TASP1: variants seen among roughly 807,000 people sequenced by gnomAD.
TASP1 encodes the protein threonine aspartase 1.
A neutral mutation model predicts 56.6 loss-of-function variants in TASP1; 16 were observed. That is an observed-to-expected ratio of 0.28 (90% CI 0.19 to 0.43). TASP1 has a LOEUF of 0.43. Among genes scored for constraint, TASP1 ranks in the 20% least tolerant of loss-of-function variants. The pLI, the probability that TASP1 is intolerant of heterozygous loss-of-function variation, is 1.00. For missense variants in TASP1, 393 were observed against 511.6 expected, an observed-to-expected ratio of 0.77 and a Z score of 2.24; for synonymous variants, 179 against 184.2, an observed-to-expected ratio of 0.97 and a Z score of 0.23.
At chr20:13,481,095 C>T (rs1243565558) in intron 11 of TASP1, among the ~76,000 whole-genome samples, 1 of 152,006 alleles carries the variant, frequency 6.6e-6, no homozygotes, top group Non-Finnish European at 1.5e-5. Context: ...CCCCACCTCC[C>T]GCCAAGTCCT....
intron 11 of TASP1, among the ~76,000 whole-genome samples, chr20:13,467,414 T>C (rs1234695720): frequency 1.3e-4 from 19 of 146,148 alleles, no homozygotes; most frequent in African/African-American, 5.0e-4. Flanking sequence ...TAAAATGTCT[T>C]CCTAAAAAAA....
chr20:13,204,601 G>A, the TASP1 span, among the ~76,000 whole-genome samples: 2 of 151,572 alleles, frequency 1.3e-5, no homozygotes, highest in Admixed American at 6.6e-5. Flanking sequence ...GTGCAGTGGC[G>A]CGATCTGGGC....
chr20:13,377,259 T>A, the TASP1 span, among the ~76,000 whole-genome samples: 29 of 152,180 alleles, frequency 1.9e-4, no homozygotes, highest in Non-Finnish European at 4.0e-4. Flanking sequence ...CGATACCTAG[T>A]TTATTGAGGG....
At chr20:13,403,066 A>G (rs73901155) in intron 13 of TASP1, among the ~76,000 whole-genome samples, 4,345 of 152,292 alleles carry the variant, frequency 0.029, 198 homozygotes, top group African/African-American at 0.096. Context: ...GATAGTTTTT[A>G]GAAAGAGCTC....
At position 13,572,274 on chromosome 20, in the gene TASP1, G is replaced by C. The variant is rs182194966; in HGVS notation, c.489-2688C>G. On this transcript the variant is annotated intron_variant, in intron 6 of 13. Coordinates refer to ENST00000337743, the MANE Select transcript of TASP1 (RefSeq NM_017714.3). ...AATAATAGAGTGTCAAACTTCTCTA[G>C]ATTAAAGGACAGCATTTTCCTTGTG... Among the ~76,000 whole-genome samples, 3 of 152,256 alleles carry C rather than the reference G, an allele frequency of 2.0e-5. No homozygotes were observed. In the East Asian group the frequency reaches 5.8e-4, roughly 29 times the overall value.
chr20:13,512,385 T>C (rs2044367331), intron 10 of TASP1, among the ~76,000 whole-genome samples: 1 of 152,242 alleles, frequency 6.6e-6, no homozygotes, highest in Non-Finnish European at 1.5e-5. Flanking sequence ...CATGTGTCTG[T>C]TGGCTGCATA....
the TASP1 span, among the ~76,000 whole-genome samples, chr20:13,356,714 A>C: frequency 1.3e-5 from 2 of 152,166 alleles, no homozygotes; most frequent in Non-Finnish European, 2.9e-5. Flanking sequence ...TGCCCAGATG[A>C]AATCCCCACA....
At chr20:13,259,125 A>G in the TASP1 span, among the ~76,000 whole-genome samples, 1 of 152,114 alleles carries the variant, frequency 6.6e-6, no homozygotes, top group Non-Finnish European at 1.5e-5. Context: ...TCTACTAAAA[A>G]TACAAAAATT....
chr20:13,525,985 A>G (rs949404443), intron 10 of TASP1, among the ~76,000 whole-genome samples: 10 of 152,202 alleles, frequency 6.6e-5, no homozygotes, highest in African/African-American at 2.2e-4. Flanking sequence ...ACTATCTTCA[A>G]CTGACACAGG....
chr20:13,149,819 C>A, the TASP1 span, among the ~76,000 whole-genome samples: 4 of 152,146 alleles, frequency 2.6e-5, no homozygotes, highest in Admixed American at 6.5e-5. Context: ...TAGGGACAGC[C>A]GGGGCCAATT....
In TASP1 at chr20:13,464,925, A is replaced by G. The variant is rs1600877970; in HGVS notation, c.985+18302T>C. ...TGCCTGTAATCCCAACACTTGGGAAAGCCGAGACAGGAAGATTGCTTGAGG... is the reference window on the plus strand; with the variant it reads ...TGCCTGTAATCCCAACACTTGGGAAGGCCGAGACAGGAAGATTGCTTGAGG... On this transcript the variant is annotated intron_variant, in intron 11 of 13. Transcript: ENST00000337743. Among the ~76,000 whole-genome samples the G allele has an allele frequency of 5.3e-5, 8 of 152,234 alleles. No homozygotes were observed. In the South Asian group the frequency reaches 1.5e-3, roughly 28 times the overall value.
chr20:13,290,129 A>G, the TASP1 span, among the ~76,000 whole-genome samples: 1 of 152,312 alleles, frequency 6.6e-6, no homozygotes, highest in East Asian at 1.9e-4. Context: ...AGCCATGCAG[A>G]TGGATTTCAA....
downstream of TASP1, among the ~76,000 whole-genome samples, chr20:13,385,042 T>C (rs886730352): frequency 6.6e-6 from 1 of 152,196 alleles, no homozygotes; most frequent in African/African-American, 2.4e-5. Flanking sequence ...AAGAAAAATT[T>C]TGGAAGACAT....
chr20:13,372,235 T>A, the TASP1 span, among the ~76,000 whole-genome samples: 2 of 152,180 alleles, frequency 1.3e-5, no homozygotes, highest in African/African-American at 4.8e-5. Context: ...GATTGCCCTA[T>A]TCTGTGGGTG....
intron 5 of TASP1, among the ~76,000 whole-genome samples, chr20:13,582,108 A>G (rs2047147529): frequency 6.6e-6 from 1 of 150,926 alleles, no homozygotes; most frequent in Admixed American, 6.6e-5. Context: ...TCTTCCACAA[A>G]AAAAGTATGA....
At chr20:13,243,227 T>C in the TASP1 span, among the ~76,000 whole-genome samples, 1 of 152,204 alleles carries the variant, frequency 6.6e-6, no homozygotes, top group African/African-American at 2.4e-5. Context: ...GGGCACAACA[T>C]TTAACATCTT....
At chr20:13,556,214 T>G (rs2046151862) in intron 8 of TASP1, among the ~76,000 whole-genome samples, 1 of 152,222 alleles carries the variant, frequency 6.6e-6, no homozygotes, top group Non-Finnish European at 1.5e-5. Context: ...TTCCTCTCTC[T>G]TTCTTGCCAA....
the TASP1 span, among the ~76,000 whole-genome samples, chr20:13,208,272 A>G: frequency 6.6e-6 from 1 of 152,244 alleles, no homozygotes; most frequent in African/African-American, 2.4e-5. Flanking sequence ...TAATGATTTT[A>G]GAAAACACAC....
the TASP1 span, chr20:13,239,790 C>A: frequency 6.6e-6 from 1 of 152,166 alleles, no homozygotes; most frequent in Admixed American, 6.5e-5. Context: ...AATCTAAAAC[C>A]TGGAGAAATT....
Sources: allele counts gnomAD v4.1 joint callset (sites outside exome capture counted in the v4.1 genomes callset), GRCh38; gene constraint gnomAD v4.1.1; transcripts MANE v1.5; gene names NCBI Gene and HGNC (gene_info 2026-07-23, HGNC 2026-07-21).